FBXL2: variants seen among roughly 807,000 people sequenced by gnomAD.
FBXL2 encodes F-box/LRR-repeat protein 2.
FBXL2 carries 38 observed loss-of-function variants against 69.2 expected under a neutral mutation model. The observed-to-expected ratio is 0.55, with a 90% confidence interval of 0.42 to 0.72. The LOEUF is 0.72. FBXL2 is among the 30% of genes least tolerant of loss of function. FBXL2 has a pLI of 0.00. For synonymous variants in FBXL2, 192 were observed against 201.3 expected, an observed-to-expected ratio of 0.95 and a Z score of 0.39; for missense variants, 354 against 520.3, an observed-to-expected ratio of 0.68 and a Z score of 3.11.
At position 33,369,179 on chromosome 3, in the gene FBXL2, G is replaced by A. The variant is rs368297820; in HGVS notation, c.291-3913G>A. ...CGATTCTCGTGCCTCAGACTCCCAA[G>A]TAGCTGGGACTACAGGCATGGGCCA... On this transcript the variant is annotated intron_variant, in intron 5 of 14. Transcript: ENST00000484457. 4.8e-4 allele frequency among the ~76,000 whole-genome samples: 73 copies of A among 151,954 alleles called. 1 individual carries two copies. In the South Asian group the frequency reaches 0.014, roughly 29 times the overall value.
intron 1 of FBXL2, among the ~76,000 whole-genome samples, chr3:33,296,747 A>G (rs1237974511): frequency 6.6e-6 from 1 of 152,166 alleles, no homozygotes; most frequent in Non-Finnish European, 1.5e-5. Flanking sequence ...CCATTGATCT[A>G]TATGTCTACC....
At chr3:33,378,196 T>C (rs1356921171) in intron 12 of FBXL2, 49 bp downstream of exon 12, 2 of 1,553,426 alleles carry the variant, frequency 1.3e-6, no homozygotes, top group Non-Finnish European at 1.8e-6. Flanking sequence ...CCTTAGTCAT[T>C]GCTGGCCAGT....
At chr3:33,372,644 G>T in intron 5 of FBXL2, 1 of 187,180 alleles carries the variant, frequency 5.3e-6, no homozygotes, top group Non-Finnish European at 1.1e-5. Flanking sequence ...TCTATCAATC[G>T]CCAGAAATGG....
At chr3:33,327,552 G>A (rs2038798322) in intron 2 of FBXL2, among the ~76,000 whole-genome samples, 1 of 152,016 alleles carries the variant, frequency 6.6e-6, no homozygotes, top group Non-Finnish European at 1.5e-5. Context: ...CAGGTCATGT[G>A]TCTAATCAAA....
At chr3:33,401,092 T>C (rs186524531) in intron 12 of FBXL2, 3 of 1,390,052 alleles carry the variant, frequency 2.2e-6, no homozygotes, top group African/African-American at 3.0e-5. Flanking sequence ...TTAAAAGCTG[T>C]TGCATTGTAA....
chr3:33,408,865 T>C, the FBXL2 span: 1 of 1,308,596 alleles, frequency 7.6e-7, no homozygotes, highest in Non-Finnish European at 1.1e-6. Flanking sequence ...ACACCCTGTT[T>C]CATGTCTCTT....
chr3:33,422,562 AT>A, the FBXL2 span, among the ~76,000 whole-genome samples: 3 of 151,746 alleles, frequency 2.0e-5, no homozygotes, highest in Non-Finnish European at 4.4e-5. Context: ...CTCTACGAAA[AT>A]TTTTTTTAAA....
chr3:33,393,424 A>G, intron 12 of FBXL2: 1 of 1,612,040 alleles, frequency 6.2e-7, no homozygotes, highest in Non-Finnish European at 8.5e-7. Context: ...TTCTGAGGCA[A>G]TCATTTCTTC....
At chr3:33,294,960 A>G (rs1179875951) in intron 1 of FBXL2, among the ~76,000 whole-genome samples, 1 of 152,144 alleles carries the variant, frequency 6.6e-6, no homozygotes, top group Non-Finnish European at 1.5e-5. Flanking sequence ...GTAGGCACTT[A>G]CTAAATATTA....
At chr3:33,359,452 T>G in intron 4 of FBXL2, 95 bp downstream of exon 4, 1 of 748,652 alleles carries the variant, frequency 1.3e-6, no homozygotes, top group Non-Finnish European at 2.1e-6. Flanking sequence ...TTAGATCTAA[T>G]ATTAAAGTGC....
At chr3:33,339,973 A>G (rs898727497) in intron 2 of FBXL2, among the ~76,000 whole-genome samples, 1 of 152,252 alleles carries the variant, frequency 6.6e-6, no homozygotes, top group African/African-American at 2.4e-5. Context: ...GCATCATGCA[A>G]CAGCATGGAC....
At chr3:33,392,912 T>C, downstream of FBXL2, 1 of 361,886 alleles carries the variant, frequency 2.8e-6, no homozygotes, top group South Asian at 7.9e-5. Flanking sequence ...TAAAGTGCTC[T>C]TCTATTATTA....
chr3:33,405,996 A>G (rs1258531674), downstream of FBXL2, among the ~76,000 whole-genome samples: 1 of 152,248 alleles, frequency 6.6e-6, no homozygotes, highest in African/African-American at 2.4e-5. Flanking sequence ...TACTTCTATT[A>G]TCAGTCAGCT....
At position 33,365,282 on chromosome 3, in the gene FBXL2, G is replaced by GT. The variant is rs11293564; in HGVS notation, c.290+578dup. On this transcript the variant is annotated intron_variant, in intron 5 of 14. Coordinates refer to ENST00000484457, the MANE Select transcript of FBXL2 (RefSeq NM_012157.5). Reference sequence around the variant, plus strand: ...TACTGGATAGCCATTATTTATTGGGGTTTTTTTTTTTTTTTGAGACCGAGT... The same window carrying GT: ...TACTGGATAGCCATTATTTATTGGGGTTTTTTTTTTTTTTTTGAGACCGAGT... Among the ~76,000 whole-genome samples, 756 of 137,190 alleles carry GT rather than the reference G, an allele frequency of 5.5e-3. 3 individuals are homozygous for GT. The highest frequency in any genetic ancestry group is 0.034 in the Middle Eastern group (9 of 264). The allele number at this position is 137,190 out of a possible 152,430, so 90.0% of individuals were successfully genotyped here. A position where few individuals can be genotyped will look rare whatever the true frequency, so the allele number is the denominator to read the frequency against.
chr3:33,370,413 G>C (rs534921706), intron 5 of FBXL2, among the ~76,000 whole-genome samples: 1 of 94,090 alleles, frequency 1.1e-5, no homozygotes, highest in African/African-American at 4.5e-5. Context: ...GCGAGACTCC[G>C]TCTCAAAAAA....
chr3:33,343,666 T>G (rs543681334), intron 2 of FBXL2, among the ~76,000 whole-genome samples: 66 of 152,266 alleles, frequency 4.3e-4, no homozygotes, highest in Non-Finnish European at 7.5e-4. Flanking sequence ...CTTTAGTATT[T>G]TGCCTACTTC....
chr3:33,413,561 A>AC, the FBXL2 span, among the ~76,000 whole-genome samples: 1 of 151,894 alleles, frequency 6.6e-6, no homozygotes, highest in South Asian at 2.1e-4. Context: ...AAAAAAAAAA[A>AC]AAAACTTTGA....
the FBXL2 span, among the ~76,000 whole-genome samples, chr3:33,420,149 A>C: frequency 1.3e-5 from 2 of 152,132 alleles, no homozygotes; most frequent in African/African-American, 4.8e-5. Flanking sequence ...TAGAAACCTT[A>C]TTTCTAAAGT....
At chr3:33,315,028 CA>C (rs2037550872) in intron 2 of FBXL2, among the ~76,000 whole-genome samples, 1 of 152,100 alleles carries the variant, frequency 6.6e-6, no homozygotes, top group Non-Finnish European at 1.5e-5. Flanking sequence ...TTCCTTAAGA[CA>C]AACATTTTAA....
Sources: gnomAD v4.1 joint callset for allele counts (sites outside exome capture counted in the v4.1 genomes callset) on GRCh38, gnomAD v4.1.1 for gene constraint, MANE v1.5 for transcripts, NCBI Gene and HGNC (gene_info 2026-07-23, HGNC 2026-07-21) for gene names.